Variants in RORA observed in about 807,000 individuals in gnomAD.
The protein encoded by RORA is nuclear receptor ROR-alpha.
Under a neutral mutation model 69.5 loss-of-function variants are expected in RORA, and 7 were observed. The ratio of observed to expected loss-of-function variants is 0.10; its 90% CI spans 0.06 to 0.19. The LOEUF (loss-of-function observed/expected upper bound fraction) is 0.19, where lower values mean the gene tolerates loss of function less well. Among genes scored for constraint, RORA ranks in the 10% least tolerant of loss-of-function variants. RORA has a pLI of 1.00. For synonymous variants in RORA, 261 were observed against 240.8 expected, an observed-to-expected ratio of 1.08 and a Z score of -0.78; for missense variants, 457 against 663.0, an observed-to-expected ratio of 0.69 and a Z score of 3.41.
intron 1 of RORA, among the ~76,000 whole-genome samples, chr15:60,988,403 G>C (rs560600343): frequency 6.6e-6 from 1 of 152,308 alleles, no homozygotes; most frequent in African/African-American, 2.4e-5. Flanking sequence ...CACCTCGTAG[G>C]TCAGAAGGCA....
At chr15:60,526,785 T>C (rs1204550890) in intron 3 of RORA, among the ~76,000 whole-genome samples, 2 of 152,192 alleles carry the variant, frequency 1.3e-5, no homozygotes, top group South Asian at 2.1e-4. Flanking sequence ...CTAGCAACAT[T>C]TCACAACTGA....
chr15:61,150,705 T>A (rs1406673923), intron 1 of RORA, among the ~76,000 whole-genome samples: 1 of 152,224 alleles, frequency 6.6e-6, no homozygotes, highest in Admixed American at 6.5e-5. Flanking sequence ...GAATTCTACC[T>A]GTGGATTTGG....
At chr15:60,955,803 T>C (rs1893251597) in intron 1 of RORA, among the ~76,000 whole-genome samples, 1 of 152,244 alleles carries the variant, frequency 6.6e-6, no homozygotes, top group African/African-American at 2.4e-5. Context: ...AACGCCTCTC[T>C]AGTTCTTCCT....
At position 60,687,756 on chromosome 15, in the gene RORA, AAAC is replaced by A. The variant is rs949878879; in HGVS notation, c.167-9073_167-9071del. Among the ~76,000 whole-genome samples, 39 of 152,352 alleles carry A rather than the reference AAAC, an allele frequency of 2.6e-4. No homozygotes were observed. In the Middle Eastern group the frequency reaches 0.01, roughly 40 times the overall value. ...GTGACAGAATGAGACTCCGTCTCCA[AAAC>A]AACAACAACAAAATACTTACCTTGC... On this transcript the variant is annotated intron_variant, in intron 1 of 10. Coordinates refer to ENST00000335670, the MANE Select transcript of RORA (RefSeq NM_134261.3).
chr15:61,216,496 AT>A (rs3835089), intron 1 of RORA, among the ~76,000 whole-genome samples: 18,970 of 151,876 alleles, frequency 0.12, 2,019 homozygotes, highest in African/African-American at 0.28. Context: ...CTCCGATGTG[AT>A]TTTTTTTTTT....
chr15:60,804,836 T>G (rs976074756), intron 1 of RORA, among the ~76,000 whole-genome samples: 1 of 152,246 alleles, frequency 6.6e-6, no homozygotes, highest in African/African-American at 2.4e-5. Flanking sequence ...TTTACAACTC[T>G]GTGATAATAG....
At chr15:60,685,195 G>A (rs1719156524) in intron 1 of RORA, among the ~76,000 whole-genome samples, 1 of 152,134 alleles carries the variant, frequency 6.6e-6, no homozygotes, top group Non-Finnish European at 1.5e-5. Flanking sequence ...GGAGAGCTAA[G>A]GAAAGAATTT....
At chr15:61,098,062 A>ATCCT (rs756656910) in intron 1 of RORA, among the ~76,000 whole-genome samples, 1 of 137,354 alleles carries the variant, frequency 7.3e-6, no homozygotes, top group Non-Finnish European at 1.6e-5. Context: ...TCCTTCCTTA[A>ATCCT]TCCTTCCTTC....
intron 1 of RORA, among the ~76,000 whole-genome samples, chr15:61,180,935 C>G (rs894379969): frequency 2.0e-5 from 3 of 152,084 alleles, no homozygotes; most frequent in African/African-American, 7.2e-5. Context: ...GAAACCTCTT[C>G]TCTACTAAAA....
At chr15:60,624,498 T>TATATATATATATATATATG (rs2069513906) in intron 2 of RORA, among the ~76,000 whole-genome samples, 1 of 52,012 alleles carries the variant, frequency 1.9e-5, no homozygotes, top group Non-Finnish European at 3.6e-5. Flanking sequence ...ATATATATAT[T>TATATATATATATATATATG]TGCTGTATGT....
At chr15:60,774,136 A>C (rs1595704435) in intron 1 of RORA, among the ~76,000 whole-genome samples, 1 of 152,110 alleles carries the variant, frequency 6.6e-6, no homozygotes, top group African/African-American at 2.4e-5. Flanking sequence ...CCTGGCGGAC[A>C]CCCACAGCCA....
At chr15:60,956,279 C>T (rs896805081) in intron 1 of RORA, among the ~76,000 whole-genome samples, 2 of 151,822 alleles carry the variant, frequency 1.3e-5, no homozygotes, top group Admixed American at 6.6e-5. Flanking sequence ...TTGTATAATG[C>T]TTTATAGTTT....
chr15:61,118,319 G>A (rs1057438450), intron 1 of RORA, among the ~76,000 whole-genome samples: 3 of 152,158 alleles, frequency 2.0e-5, no homozygotes, highest in African/African-American at 7.2e-5. Context: ...GTAAGATAAA[G>A]CCCGGTAAAG....
chr15:60,841,772 T>C (rs1315847225), intron 1 of RORA, among the ~76,000 whole-genome samples: 1 of 152,024 alleles, frequency 6.6e-6, no homozygotes, highest in Admixed American at 6.6e-5. Flanking sequence ...CTTTATCTCC[T>C]TTTTTTTGGT....
intron 1 of RORA, among the ~76,000 whole-genome samples, chr15:60,726,724 G>C (rs2071361952): frequency 1.3e-5 from 2 of 152,300 alleles, no homozygotes; most frequent in South Asian, 4.2e-4. Context: ...GACTAAACCA[G>C]ACTTCAGGCA....
intron 5 of RORA, chr15:60,510,387 C>T (rs1041594926): frequency 6.6e-6 from 1 of 152,172 alleles, no homozygotes; most frequent in Non-Finnish European, 1.5e-5. Context: ...TGCCCATTGT[C>T]TGTGTTATCA....
intron 1 of RORA, among the ~76,000 whole-genome samples, chr15:60,871,237 G>GT (rs1006862523): frequency 2.2e-4 from 33 of 150,402 alleles, no homozygotes; most frequent in African/African-American, 4.4e-4. Flanking sequence ...TCAAAGATTT[G>GT]TTTTTTTTTC....
chr15:61,102,895 C>A (rs904183235), intron 1 of RORA, among the ~76,000 whole-genome samples: 1 of 147,472 alleles, frequency 6.8e-6, no homozygotes, highest in Non-Finnish European at 1.5e-5. Flanking sequence ...CTTTTCCAAG[C>A]CCCAGCAAGA....
chr15:60,707,530 A>C (rs537306493), intron 1 of RORA, among the ~76,000 whole-genome samples: 1 of 151,622 alleles, frequency 6.6e-6, no homozygotes, highest in East Asian at 1.9e-4. Flanking sequence ...CGCCTGGCTA[A>C]TTTTTTGTAT....
Sources: gnomAD v4.1 joint callset for allele counts (sites outside exome capture counted in the v4.1 genomes callset) on GRCh38, gnomAD v4.1.1 for gene constraint, MANE v1.5 for transcripts, NCBI Gene and HGNC (gene_info 2026-07-23, HGNC 2026-07-21) for gene names.